The following UBE3A variants were observed in gnomAD, a reference collection of about 807,000 sequenced individuals.
UBE3A encodes the protein ubiquitin protein ligase E3A, also known as ubiquitin-protein ligase E3A.
Under a neutral mutation model 83.4 loss-of-function variants are expected in UBE3A, and 6 were observed. The observed-to-expected ratio is 0.07, with a 90% CI of 0.04 to 0.14. The LOEUF is 0.14. Among genes scored for constraint, UBE3A ranks in the 10% least tolerant of loss-of-function variants. UBE3A has a pLI of 1.00. For synonymous variants in UBE3A, 337 were observed against 355.4 expected (o/e 0.95, Z 0.58); for missense variants, 456 against 1,036.1 (o/e 0.44, Z 7.69).
intron 7 of UBE3A, 124 bp from the exon 8 acceptor site, chr15:25,357,020 GCAACATTGATTT>G: frequency 1.3e-6 from 1 of 795,696 alleles, no homozygotes; most frequent in Non-Finnish European, 2.0e-6. Flanking sequence ...AATTAGGCAT[GCAACATTGATTT>G]CTATTATATT....
Position 25,375,676 on chromosome 15 carries a change from A to G in UBE3A, c.150T>C (p.Phe50=). The G allele has an allele frequency of 1.2e-6, 2 of 1,614,186 alleles. No individual in the cohort carries two copies. The highest frequency in any genetic ancestry group is 8.5e-7 in the Non-Finnish European group (1 of 1,180,032). ...GAAGAAAAGTTGGACAGGAAGCACAAAACTCATTCGTGCAGGCTTCATTTC... is the reference window on the plus strand; with the variant it reads ...GAAGAAAAGTTGGACAGGAAGCACAGAACTCATTCGTGCAGGCTTCATTTC... ...GCGNEACTNE[F]CASCPTFLRM... is the part of the protein sequence containing the mutation. The change falls in exon 5 of 13, where the codon TTT becomes TTC. Residue 50 remains phenylalanine (F), a synonymous_variant. Transcript: ENST00000648336.
At position 25,335,846 on chromosome 15, in the gene UBE3A, C is replaced by T. The variant is rs922200714; in HGVS notation, c.*3291G>A. Reference sequence around the variant, plus strand: ...CTTTAAGCAGAATTGGAGGAGTATCCATCTAAAATCTGGGTAAACTGGGAT... The same window carrying T: ...CTTTAAGCAGAATTGGAGGAGTATCTATCTAAAATCTGGGTAAACTGGGAT... On this transcript the variant is annotated 3_prime_UTR_variant, in exon 13 of 13. Transcript: ENST00000648336. 6.6e-6 allele frequency: 1 copy of T among 152,032 alleles called. No homozygotes were observed. The highest frequency in any genetic ancestry group is 2.4e-5 in the African/African-American group (1 of 41,396). 9.4% of individuals were successfully genotyped at this position (152,032 alleles called of 1,614,324 possible).
intron 4 of UBE3A, among the ~76,000 whole-genome samples, chr15:25,385,543 C>A (rs1038637069): frequency 9.9e-5 from 15 of 152,104 alleles, no homozygotes; most frequent in African/African-American, 3.4e-4. Flanking sequence ...GAAGGTCCCT[C>A]AAAAAATTTG....
At chr15:25,391,953 T>C (rs2084497025) in intron 4 of UBE3A, among the ~76,000 whole-genome samples, 1 of 152,070 alleles carries the variant, frequency 6.6e-6, no homozygotes, top group Non-Finnish European at 1.5e-5. Flanking sequence ...TAAATAAAGA[T>C]GGCAGCAGAT....
chr15:25,344,344 T>C (rs1488930538), intron 11 of UBE3A, among the ~76,000 whole-genome samples: 1 of 152,162 alleles, frequency 6.6e-6, no homozygotes, highest in Non-Finnish European at 1.5e-5. Context: ...ATTATTTTCC[T>C]AGTTCTGTCC....
chr15:25,397,369 T>G (rs2085822975), intron 4 of UBE3A, among the ~76,000 whole-genome samples: 1 of 152,172 alleles, frequency 6.6e-6, no homozygotes, highest in African/African-American at 2.4e-5. Flanking sequence ...CCTCACACAT[T>G]CATCCTTGGT....
Position 25,375,469 on chromosome 15 carries a change from A to G in UBE3A, c.357T>C (p.Phe119=). The change falls in exon 5 of 13, where the codon TTT becomes TTC. Residue 119 remains phenylalanine (F), a synonymous_variant. Transcript: ENST00000648336. The stretch of plus-strand genomic sequence containing the variant: ...ATTGAAAATAAAACATCTTACCTTT[A>G]AAATCAATTCTAGCGCCTTTCTTGT... ...KMNKKGARID[F]KDVTYLTEEK... The G allele has an allele frequency of 6.2e-7, 1 of 1,614,028 alleles. No individual in the cohort carries two copies. The highest frequency in any genetic ancestry group is 1.1e-5 in the South Asian group (1 of 91,044).
At chr15:25,348,855 A>G (rs1232561210) in intron 11 of UBE3A, among the ~76,000 whole-genome samples, 1 of 152,258 alleles carries the variant, frequency 6.6e-6, no homozygotes, top group African/African-American at 2.4e-5. Flanking sequence ...GATTGGAAGA[A>G]TATATTGTTA....
At chr15:25,367,607 A>C (rs567709495) in intron 6 of UBE3A, among the ~76,000 whole-genome samples, 162 of 152,194 alleles carry the variant, frequency 1.1e-3, no homozygotes, top group Non-Finnish European at 1.9e-3. Flanking sequence ...TTATCTCTGA[A>C]ATCAGATTAC....
At position 25,409,129 on chromosome 15, in the gene UBE3A, C is replaced by T; in HGVS notation, c.-22G>A. The T allele has an allele frequency of 1.3e-6, 2 of 1,594,770 alleles. No individual in the cohort carries two copies. Among genetic ancestry groups the T allele is most frequent in the Non-Finnish European group, 1.7e-6 (2 of 1,169,824 alleles). On this transcript the variant is annotated 5_prime_UTR_variant, in exon 3 of 13. The change creates a new upstream start codon in the 5' untranslated region. Transcript: ENST00000648336. ...CCATTCGGTGACATCAGGGTGATCA[C>T]AGCTTTGAGTCACTGATTAAAAACA... is the stretch of plus-strand genomic sequence containing the variant.
At chr15:25,357,197 C>G (rs978961116) in intron 7 of UBE3A, 1 of 216,888 alleles carries the variant, frequency 4.6e-6, no homozygotes, top group Non-Finnish European at 9.2e-6. Context: ...TAATTTTCTA[C>G]TAACACATAA....
intron 1 of UBE3A, among the ~76,000 whole-genome samples, chr15:25,435,014 AC>A (rs1894623019): frequency 1.4e-5 from 2 of 147,426 alleles, no homozygotes; most frequent in African/African-American, 5.0e-5. Context: ...ACACACACAC[AC>A]ACACAAATAC....
At chr15:25,356,364 G>T (rs987865813) in intron 8 of UBE3A, among the ~76,000 whole-genome samples, 1 of 151,988 alleles carries the variant, frequency 6.6e-6, no homozygotes, top group African/African-American at 2.4e-5. Context: ...AGGCACACTC[G>T]TTGTAACTAC....
In UBE3A at chr15:25,340,248, T is replaced by C. The variant is rs936798041; in HGVS notation, c.2355-20A>G. On this transcript the variant is annotated intron_variant, in intron 11 of 12. Coordinates refer to ENST00000648336, the MANE Select transcript of UBE3A (RefSeq NM_130839.5). ...AACTCCCTAATGAGAAAAAATACAA[T>C]ACTGGTTTCAGTTTGGCATTCATTA... is the stretch of plus-strand genomic sequence containing the variant. 1 of 1,610,070 alleles carries C rather than the reference T, an allele frequency of 6.2e-7. No homozygotes were observed. The highest frequency in any genetic ancestry group is 8.5e-7 in the Non-Finnish European group (1 of 1,179,612).
In UBE3A at chr15:25,338,867, A is replaced by C. The variant is rs554455719; in HGVS notation, c.*270T>G. On this transcript the variant is annotated 3_prime_UTR_variant, in exon 13 of 13. Coordinates refer to ENST00000648336, the MANE Select transcript of UBE3A (RefSeq NM_130839.5). The stretch of plus-strand genomic sequence containing the variant: ...TCTCTGTACATACAAGTGAAAGAAT[A>C]TGTAACACTTTCACGCAAAAAAATA... The C allele has an allele frequency of 5.4e-6, 1 of 184,406 alleles. No homozygotes were observed. The highest frequency in any genetic ancestry group is 1.1e-5 in the Non-Finnish European group (1 of 89,906). 11.4% of individuals were successfully genotyped at this position (184,406 alleles called of 1,614,324 possible).
At chr15:25,359,326 T>C (rs1805710008) in intron 7 of UBE3A, among the ~76,000 whole-genome samples, 1 of 152,200 alleles carries the variant, frequency 6.6e-6, no homozygotes, top group Non-Finnish European at 1.5e-5. Flanking sequence ...CGTCGTCTTA[T>C]GTATCTCTGA....
rs1341470016 is a variant in UBE3A, at chr15:25,335,407, A to G, written c.*3730T>C. 1 of 152,236 alleles carries G rather than the reference A, an allele frequency of 6.6e-6. No homozygotes were observed. Among genetic ancestry groups the G allele is most frequent in the Non-Finnish European group, 1.5e-5 (1 of 68,050 alleles). The allele number at this position is 152,236 out of a possible 1,614,324, so 9.4% of individuals were successfully genotyped here. A position where few individuals can be genotyped will look rare whatever the true frequency, so the allele number is the denominator to read the frequency against. On this transcript the variant is annotated 3_prime_UTR_variant, in exon 13 of 13. Coordinates refer to ENST00000648336, the MANE Select transcript of UBE3A (RefSeq NM_130839.5). Reference sequence around the variant, plus strand: ...GAATGCAGAGGATATTAAAATTAGCAAGATAGTGTTCTAGCACAATGAAAA... The same window carrying G: ...GAATGCAGAGGATATTAAAATTAGCGAGATAGTGTTCTAGCACAATGAAAA...
At chr15:25,340,363 G>GTGAT (rs2074542161) in intron 11 of UBE3A, 135 bp from the exon 12 acceptor site, 1 of 1,097,954 alleles carries the variant, frequency 9.1e-7, no homozygotes, top group Non-Finnish European at 1.3e-6. Flanking sequence ...ATCACTTCTG[G>GTGAT]TGATTTAAAA....
At chr15:25,339,911 A>C in intron 12 of UBE3A, 174 bp downstream of exon 12, 1 of 845,364 alleles carries the variant, frequency 1.2e-6, no homozygotes, top group Non-Finnish European at 1.8e-6. Context: ...GCAATTTCTT[A>C]AAAGTTTCCT....
Sources: allele counts gnomAD v4.1 joint callset (sites outside exome capture counted in the v4.1 genomes callset), GRCh38; gene constraint gnomAD v4.1.1; transcripts MANE v1.5; gene names NCBI Gene and HGNC (gene_info 2026-07-23, HGNC 2026-07-21).